Variants in H6PD observed in about 807,000 individuals in gnomAD.
H6PD encodes the protein hexose-6-phosphate dehydrogenase/glucose 1-dehydrogenase, also known as GDH/6PGL endoplasmic bifunctional protein.
H6PD carries 48 observed loss-of-function variants against 61.2 expected under a neutral mutation model. That is an observed-to-expected ratio of 0.78 (90% CI 0.62 to 1.00). The LOEUF (loss-of-function observed/expected upper bound fraction) is 1.00. Ranked by LOEUF, H6PD falls within the 50% of genes least tolerant of loss-of-function variation. The probability of loss-of-function intolerance (pLI) is 0.00; values close to 1 mark genes in which losing one functional copy is unlikely to be tolerated. For synonymous variants in H6PD, 480 were observed against 457.9 expected (o/e 1.05, Z -0.62); for missense variants, 1,093 against 1,065.0 (o/e 1.03, Z -0.37).
rs748271118 is a variant in H6PD at position 9,264,680 on chromosome 1, G to A, written c.2187G>A (p.Met729Ile). ...TTSPSQPHRR[M>I]SLSLPLINRA... Reference sequence around the variant, plus strand: ...GCCCCTCCCAGCCACACCGCCGCATGAGCCTTAGCCTGCCTCTCATCAACC... The same window carrying A: ...GCCCCTCCCAGCCACACCGCCGCATAAGCCTTAGCCTGCCTCTCATCAACC... Residue 729 changes from methionine to isoleucine, a missense_variant, in exon 5 of 5, where the codon ATG becomes ATA. Met to Ile is a conservative substitution (Grantham distance 10). Coordinates refer to ENST00000377403, the MANE Select transcript of H6PD (RefSeq NM_004285.4). 19 of 1,613,194 alleles carry A rather than the reference G, an allele frequency of 1.2e-5. No homozygotes were observed. Among genetic ancestry groups the A allele is most frequent in the Non-Finnish European group, 1.4e-5 (16 of 1,180,014 alleles).
intron 4 of H6PD, among the ~76,000 whole-genome samples, chr1:9,262,857 C>A (rs1417439495): frequency 1.3e-5 from 2 of 152,238 alleles, no homozygotes; most frequent in African/African-American, 4.8e-5. Context: ...GCCTCTCATA[C>A]AAGCCTCACG....
At chr1:9,258,165 GTGT>G (rs1264925681) in intron 3 of H6PD, among the ~76,000 whole-genome samples, 1 of 152,254 alleles carries the variant, frequency 6.6e-6, no homozygotes, top group African/African-American at 2.4e-5. Flanking sequence ...TGTTATGCTG[GTGT>G]TGTTACGTTG....
In H6PD at chr1:9,247,093, TG is replaced by T. The variant is rs1374562740; in HGVS notation, c.745+12del. On this transcript the variant is annotated intron_variant, in intron 3 of 4. Transcript: ENST00000377403. ...ACCGTGGATGCTGAAGGTGTGTGAG[TG>T]GCCCTGCGCACTCGGTCCCCCAGCC... The T allele has an allele frequency of 1.3e-6, 2 of 1,542,584 alleles. No individual in the cohort carries two copies. The highest frequency in any genetic ancestry group is 1.8e-6 in the Non-Finnish European group (2 of 1,114,764).
chr1:9,257,511 G>A (rs1641556557), intron 3 of H6PD, among the ~76,000 whole-genome samples: 1 of 152,146 alleles, frequency 6.6e-6, no homozygotes, highest in African/African-American at 2.4e-5. Flanking sequence ...ACGTCTTGGA[G>A]GTTTATCCGT....
chr1:9,261,920 AC>A, intron 3 of H6PD, 138 bp from the exon 4 acceptor site: 1 of 869,784 alleles, frequency 1.1e-6, no homozygotes, highest in Non-Finnish European at 1.9e-6. Context: ...TTTGGTGTGC[AC>A]CATTTTTATA....
At chr1:9,255,725 C>T (rs888271901) in intron 3 of H6PD, among the ~76,000 whole-genome samples, 1 of 152,212 alleles carries the variant, frequency 6.6e-6, no homozygotes, top group African/African-American at 2.4e-5. Context: ...TGAGGCACCA[C>T]CTGAATGCAC....
Position 9,265,657 on chromosome 1 carries a change from T to A in H6PD, c.*788T>A, listed in dbSNP as rs1377605664. 4 of 152,226 alleles carry A rather than the reference T, an allele frequency of 2.6e-5. No individual in the cohort carries two copies. Among genetic ancestry groups the A allele is most frequent in the Non-Finnish European group, 5.9e-5 (4 of 68,112 alleles). The allele number at this position is 152,226 out of a possible 1,614,324, so 9.4% of individuals were successfully genotyped here. The stretch of plus-strand genomic sequence containing the variant: ...GGTTCCAGAAATCTTTTTTCTTTTT[T>A]AATTAAAAAAAATATTTGCAGAGAT... On this transcript the variant is annotated 3_prime_UTR_variant, in exon 5 of 5. Coordinates refer to ENST00000377403, the MANE Select transcript of H6PD (RefSeq NM_004285.4).
chr1:9,240,849 C>T (rs1319583120), intron 1 of H6PD, among the ~76,000 whole-genome samples: 1 of 152,158 alleles, frequency 6.6e-6, no homozygotes, highest in Non-Finnish European at 1.5e-5. Context: ...CCTTCTGAAG[C>T]AGAGCCGTGC....
At chr1:9,241,713 TAATTAGATC>T (rs1432704969) in intron 1 of H6PD, among the ~76,000 whole-genome samples, 1 of 152,174 alleles carries the variant, frequency 6.6e-6, no homozygotes, top group Admixed American at 6.5e-5. Flanking sequence ...TTAGCTGACT[TAATTAGATC>T]ACGAAGTTAG....
At chr1:9,242,343 A>G (rs1641022222) in intron 1 of H6PD, among the ~76,000 whole-genome samples, 1 of 143,700 alleles carries the variant, frequency 7.0e-6, no homozygotes, top group Admixed American at 7.0e-5. Flanking sequence ...GGTTAAAAAA[A>G]CATAAAAAAA....
In H6PD at chr1:9,263,499, C is replaced by T. The variant is rs768490485; in HGVS notation, c.1016-10C>T. On this transcript the variant is annotated splice_polypyrimidine_tract_variant and intron_variant, in intron 4 of 4. Transcript: ENST00000377403. ...CCAGAGAGTCACCCTCTGCTGTTCCCTCACCCCAGCCGTCCTAGTGCACAT... is the reference window on the plus strand; with the variant it reads ...CCAGAGAGTCACCCTCTGCTGTTCCTTCACCCCAGCCGTCCTAGTGCACAT... 1 of 1,613,728 alleles carries T rather than the reference C, an allele frequency of 6.2e-7. No individual in the cohort carries two copies. Among genetic ancestry groups the T allele is most frequent in the South Asian group, 1.1e-5 (1 of 91,056 alleles).
chr1:9,254,873 T>C lies in H6PD; in HGVS notation c.746-7186T>C, dbSNP rs1170976447. Among the ~76,000 whole-genome samples the C allele has an allele frequency of 6.6e-6, 1 of 152,018 alleles. No homozygotes were observed. The highest frequency in any genetic ancestry group is 1.5e-5 in the Non-Finnish European group (1 of 67,994). ...TCGTTGTCATCCCACAATTTCCCCCTCTCCCCAGCTCCTGGCAACCACAGA... is the reference window on the plus strand; with the variant it reads ...TCGTTGTCATCCCACAATTTCCCCCCCTCCCCAGCTCCTGGCAACCACAGA... On this transcript the variant is annotated intron_variant, in intron 3 of 4. Coordinates refer to ENST00000377403, the MANE Select transcript of H6PD (RefSeq NM_004285.4). This position sits in a 1 kb window ranked among gnomAD's most constrained non-coding sequence, Gnocchi z 4.6.
chr1:9,235,837 C>A (rs1640835238), intron 1 of H6PD, among the ~76,000 whole-genome samples: 1 of 152,150 alleles, frequency 6.6e-6, no homozygotes, highest in African/African-American at 2.4e-5. Flanking sequence ...GTCTCGAACT[C>A]CTGGGCTCAA....
Position 9,265,448 on chromosome 1 carries a change from T to C in H6PD, c.*579T>C. 5.7e-6 allele frequency: 1 copy of C among 175,662 alleles called. No individual in the cohort carries two copies. The highest frequency in any genetic ancestry group is 1.5e-4 in the East Asian group (1 of 6,776). 10.9% of individuals were successfully genotyped at this position (175,662 alleles called of 1,614,324 possible). A position where few individuals can be genotyped will look rare whatever the true frequency, so the allele number is the denominator to read the frequency against. ...CCTCCTTCTAGAACCTCTGCACATCTAGCCTCTGGCCCTCCTCTTCACTGC... is the reference window on the plus strand; with the variant it reads ...CCTCCTTCTAGAACCTCTGCACATCCAGCCTCTGGCCCTCCTCTTCACTGC... On this transcript the variant is annotated 3_prime_UTR_variant, in exon 5 of 5. Transcript: ENST00000377403.
Position 9,264,071 on chromosome 1 carries a change from G to T in H6PD, c.1578G>T (p.Gln526His), listed in dbSNP as rs760072394. The change falls in exon 5 of 5, where the codon CAG becomes CAT. Residue 526 changes from glutamine (Q) to histidine (H), a missense_variant. By Grantham distance (24) the Gln-to-His change is conservative (BLOSUM62 0). Coordinates refer to ENST00000377403, the MANE Select transcript of H6PD (RefSeq NM_004285.4). ...SSGRLFFSQQ[Q>H]PEQLVPGPGP... is the part of the protein sequence containing the mutation. ...GCCGGTTGTTCTTTTCCCAGCAGCAGCCGGAGCAGCTGGTGCCAGGGCCAG... is the reference window on the plus strand; with the variant it reads ...GCCGGTTGTTCTTTTCCCAGCAGCATCCGGAGCAGCTGGTGCCAGGGCCAG... 3 of 1,614,050 alleles carry T rather than the reference G, an allele frequency of 1.9e-6. No individual in the cohort carries two copies. Among genetic ancestry groups the T allele is most frequent in the East Asian group, 4.5e-5 (2 of 44,884 alleles).
chr1:9,237,236 C>CTCTTTTTTTTTTTT (rs1419535641), intron 1 of H6PD, among the ~76,000 whole-genome samples: 3 of 71,084 alleles, frequency 4.2e-5, no homozygotes, highest in East Asian at 5.2e-4. Context: ...TTTGACTTCT[C>CTCTTTTTTTTTTTT]TTTTTTTTTT....
chr1:9,240,794 CAG>C (rs1459190020), intron 1 of H6PD, among the ~76,000 whole-genome samples: 3 of 152,160 alleles, frequency 2.0e-5, no homozygotes, highest in African/African-American at 7.2e-5. Context: ...CCATTCCTCT[CAG>C]AGCAGGCAAG....
At chr1:9,238,269 A>G (rs747497293) in intron 1 of H6PD, among the ~76,000 whole-genome samples, 16 of 152,220 alleles carry the variant, frequency 1.1e-4, no homozygotes, top group African/African-American at 3.6e-4. Flanking sequence ...GGATGGTAAG[A>G]GAAGAGATCA....
Position 9,254,787 on chromosome 1 carries a change from T to C in H6PD, c.746-7272T>C, listed in dbSNP as rs566450364. Among the ~76,000 whole-genome samples, 2 of 152,352 alleles carry C rather than the reference T, an allele frequency of 1.3e-5. No homozygotes were observed. The highest frequency in any genetic ancestry group is 4.1e-4 in the South Asian group (2 of 4,826). On this transcript the variant is annotated intron_variant, in intron 3 of 4. Coordinates refer to ENST00000377403, the MANE Select transcript of H6PD (RefSeq NM_004285.4). This position sits in a 1 kb window ranked among gnomAD's most constrained non-coding sequence, Gnocchi z 4.6. Reference sequence around the variant, plus strand: ...GCTTTCGTGTATTCACAGAGTTGTGTGTCAGTACCACAATCAATTTTAGGA... The same window carrying C: ...GCTTTCGTGTATTCACAGAGTTGTGCGTCAGTACCACAATCAATTTTAGGA...
Sources: gnomAD v4.1 joint callset for allele counts (sites outside exome capture counted in the v4.1 genomes callset) on GRCh38, gnomAD v4.1.1 for gene constraint, Gnocchi (gnomAD v3.1) non-coding constraint, MANE v1.5 for transcripts, NCBI Gene and HGNC (gene_info 2026-07-23, HGNC 2026-07-21) for gene names.